KALRN: variants seen among roughly 807,000 people sequenced by gnomAD.
KALRN encodes kalirin.
A neutral mutation model predicts 353.7 loss-of-function variants in KALRN; 70 were observed. The observed-to-expected ratio is 0.20, with a 90% CI of 0.16 to 0.24. The LOEUF (loss-of-function observed/expected upper bound fraction) is 0.24. Among genes scored for constraint, KALRN ranks in the 10% least tolerant of loss-of-function variants. The pLI, the probability that KALRN is intolerant of heterozygous loss-of-function variation, is 1.00. For synonymous variants in KALRN, 1,391 were observed against 1,434.8 expected (o/e 0.97, Z 0.69); for missense variants, 2,791 against 3,756.7 (o/e 0.74, Z 6.72).
intron 1 of KALRN, among the ~76,000 whole-genome samples, chr3:124,086,273 A>G (rs1355207022): frequency 6.6e-6 from 1 of 150,742 alleles, no homozygotes; most frequent in Non-Finnish European, 1.5e-5. Context: ...TAAGAATATT[A>G]TATCAATTTA....
At chr3:124,202,924 G>A (rs2076088275) in intron 1 of KALRN, among the ~76,000 whole-genome samples, 1 of 152,150 alleles carries the variant, frequency 6.6e-6, no homozygotes, top group Non-Finnish European at 1.5e-5. Flanking sequence ...TTTGCAGTGT[G>A]TCGTGCCAGC....
chr3:124,465,794 A>C (rs965472028), intron 25 of KALRN, among the ~76,000 whole-genome samples: 11 of 152,174 alleles, frequency 7.2e-5, no homozygotes, highest in African/African-American at 2.7e-4. Flanking sequence ...ATCTGCCTGT[A>C]ATCCAGAGAG....
chr3:124,408,196 A>AT (rs56114660), intron 13 of KALRN, among the ~76,000 whole-genome samples: 151,333 of 152,362 alleles, frequency 0.99, 75,163 homozygotes, highest in East Asian at 1. Flanking sequence ...TGCTAAAAAA[A>AT]ATATGATTAA....
chr3:124,106,968 C>G (rs964228985), intron 1 of KALRN, among the ~76,000 whole-genome samples: 11 of 152,288 alleles, frequency 7.2e-5, no homozygotes, highest in African/African-American at 2.4e-4. Context: ...ATTTCTCTAT[C>G]CTTCCTTGTT....
At chr3:124,496,012 T>TATATATATATATAC (rs1345047394) in intron 32 of KALRN, among the ~76,000 whole-genome samples, 77 of 43,598 alleles carry the variant, frequency 1.8e-3, no homozygotes, top group South Asian at 2.7e-3. Flanking sequence ...TATATATATA[T>TATATATATATATAC]ACACACACAT....
intron 1 of KALRN, among the ~76,000 whole-genome samples, chr3:124,204,410 A>G (rs565335835): frequency 6.6e-6 from 1 of 152,256 alleles, no homozygotes; most frequent in Admixed American, 6.5e-5. Flanking sequence ...TAATTTCTTT[A>G]TTTTTCACAT....
chr3:124,429,137 G>A (rs1342876982), intron 15 of KALRN, among the ~76,000 whole-genome samples: 4 of 152,164 alleles, frequency 2.6e-5, no homozygotes, highest in East Asian at 1.9e-4. Flanking sequence ...GGGATTTCAC[G>A]CAAACACTCT....
Position 124,326,012 on chromosome 3 carries a change from C to G in KALRN, c.1125C>G (p.Ser375=), listed in dbSNP as rs16835275. 37 of 1,612,818 alleles carry G rather than the reference C, an allele frequency of 2.3e-5. No individual in the cohort carries two copies. The highest frequency in any genetic ancestry group is 3.0e-5 in the Non-Finnish European group (35 of 1,179,482). ...ATGTCAACATCAACCGCATCATGTC[C>G]GTGGCTTCCCGCCTCTCTGAGGCCG... The part of the protein sequence containing the change: ...NAYVNINRIM[S]VASRLSEAGH... Residue 375 remains serine (S), a synonymous_variant, in exon 7 of 60, where the codon TCC becomes TCG. Transcript: ENST00000682506.
intron 1 of KALRN, among the ~76,000 whole-genome samples, chr3:124,181,143 C>T (rs988092275): frequency 1.4e-5 from 2 of 147,804 alleles, no homozygotes; most frequent in Admixed American, 6.8e-5. Flanking sequence ...CCTAGCTACT[C>T]GGGAGGCTGT....
At chr3:124,601,236 A>G (rs971009013) in intron 34 of KALRN, among the ~76,000 whole-genome samples, 3 of 152,256 alleles carry the variant, frequency 2.0e-5, no homozygotes, top group Non-Finnish European at 4.4e-5. Flanking sequence ...CACTTAGGGT[A>G]GTTCCTGGCT....
chr3:124,094,657 C>T (rs1267605837), intron 1 of KALRN: 10 of 640,534 alleles, frequency 1.6e-5, no homozygotes, highest in Non-Finnish European at 2.9e-5. Flanking sequence ...GCTGTGAAAC[C>T]GGCTCCCGGC....
At chr3:124,459,301 A>G (rs1315307312) in intron 23 of KALRN, among the ~76,000 whole-genome samples, 2 of 152,234 alleles carry the variant, frequency 1.3e-5, no homozygotes, top group African/African-American at 4.8e-5. Context: ...GCAGAGGAAA[A>G]TAGGCAAGAA....
chr3:124,325,718 A>G (rs2079827969), intron 6 of KALRN, among the ~76,000 whole-genome samples: 1 of 152,210 alleles, frequency 6.6e-6, no homozygotes, highest in Non-Finnish European at 1.5e-5. Flanking sequence ...AGTCCATGTA[A>G]AGTGACTGCA....
chr3:124,079,235 A>G (rs576633978), intron 1 of KALRN, among the ~76,000 whole-genome samples: 23 of 152,298 alleles, frequency 1.5e-4, no homozygotes, highest in Admixed American at 1.2e-3. Context: ...GAGGAACTGT[A>G]TACAAGTCAG....
At chr3:124,646,360 C>T (rs2082711614) in intron 37 of KALRN, among the ~76,000 whole-genome samples, 1 of 142,610 alleles carries the variant, frequency 7.0e-6, no homozygotes, top group Non-Finnish European at 1.5e-5. Flanking sequence ...CGACATCTCT[C>T]TATGTGACTG....
intron 38 of KALRN, among the ~76,000 whole-genome samples, chr3:124,651,534 A>G (rs1053857127): frequency 2.0e-5 from 3 of 152,180 alleles, no homozygotes; most frequent in Admixed American, 2.0e-4. Flanking sequence ...ACCTATGTTG[A>G]TATGAAGTCA....
At chr3:124,700,736 G>A (rs192303659) in intron 56 of KALRN, among the ~76,000 whole-genome samples, 1 of 152,210 alleles carries the variant, frequency 6.6e-6, no homozygotes, top group East Asian at 1.9e-4. Flanking sequence ...AGCAGTGGGT[G>A]GGGGGCAGCT....
chr3:124,637,177 T>G (rs368109837), intron 36 of KALRN, 31 bp from the exon 37 acceptor site: 2 of 1,542,296 alleles, frequency 1.3e-6, no homozygotes, highest in Non-Finnish European at 9.0e-7. Context: ...TTTGCTAATC[T>G]GCTTTTCCTC....
intron 33 of KALRN, among the ~76,000 whole-genome samples, chr3:124,537,687 C>G (rs1325432198): frequency 3.3e-5 from 5 of 152,190 alleles, no homozygotes; most frequent in Non-Finnish European, 1.5e-5. Flanking sequence ...AATGTTGGCT[C>G]TGTCTGAGAA....
Sources: allele counts gnomAD v4.1 joint callset (sites outside exome capture counted in the v4.1 genomes callset), GRCh38; gene constraint gnomAD v4.1.1; transcripts MANE v1.5; gene names NCBI Gene and HGNC (gene_info 2026-07-23, HGNC 2026-07-21).